Variants in XRRA1 observed in about 807,000 individuals in gnomAD.
The protein encoded by XRRA1 is X-ray radiation resistance-associated protein 1.
A neutral mutation model predicts 80.2 loss-of-function variants in XRRA1; 69 were observed. The ratio of observed to expected loss-of-function variants is 0.86; its 90% CI spans 0.71 to 1.05. The LOEUF (loss-of-function observed/expected upper bound fraction) is 1.05, where lower values mean the gene tolerates loss of function less well. Ranked by LOEUF, XRRA1 falls within the 50% of genes least tolerant of loss-of-function variation. The pLI, the probability that XRRA1 is intolerant of heterozygous loss-of-function variation, is 0.00. For missense variants in XRRA1, 967 were observed against 976.4 expected, an observed-to-expected ratio of 0.99 and a Z score of 0.13; for synonymous variants, 348 against 389.9, an observed-to-expected ratio of 0.89 and a Z score of 1.27.
chr11:74,885,155 T>C (rs1397542928), intron 10 of XRRA1, among the ~76,000 whole-genome samples: 3 of 152,220 alleles, frequency 2.0e-5, no homozygotes, highest in Non-Finnish European at 2.9e-5. Flanking sequence ...TTCCAGCTAC[T>C]TGGGAGGCTG....
At chr11:74,914,652 C>T (rs1048222435) in intron 8 of XRRA1, among the ~76,000 whole-genome samples, 10 of 151,454 alleles carry the variant, frequency 6.6e-5, no homozygotes, top group African/African-American at 1.2e-4. Flanking sequence ...AGCCTTTTCT[C>T]GGTACCCATA....
At position 74,862,882 on chromosome 11, in the gene XRRA1, A is replaced by G. The variant is rs1268045002; in HGVS notation, c.1044+99T>C. 8 of 1,113,066 alleles carry G rather than the reference A, an allele frequency of 7.2e-6. No homozygotes were observed. The East Asian group carries it at 2.1e-4, about 29-fold the overall frequency. 68.9% of individuals were successfully genotyped at this position (1,113,066 alleles called of 1,614,324 possible). On this transcript the variant is annotated intron_variant, in intron 11 of 18. Coordinates refer to ENST00000684022, the MANE Select transcript of XRRA1 (RefSeq NM_001378157.1). ...TGAATGGGCTTCCTCAGTGTGATCT[A>G]TAGAAATGACTCTCATGGCTCCATT...
chr11:74,849,490 C>A (rs746774546), intron 14 of XRRA1, among the ~76,000 whole-genome samples: 43 of 152,294 alleles, frequency 2.8e-4, no homozygotes, highest in Non-Finnish European at 5.7e-4. Flanking sequence ...TTGTCTGAAT[C>A]CATGCCACAA....
intron 11 of XRRA1, 134 bp from the exon 12 acceptor site, chr11:74,859,417 G>A (rs1468433042): frequency 1.0e-6 from 1 of 962,942 alleles, no homozygotes. Flanking sequence ...GAGACATGTA[G>A]GGTCATAAGG....
At chr11:74,880,887 TG>T (rs1371101763) in intron 10 of XRRA1, among the ~76,000 whole-genome samples, 2 of 151,276 alleles carry the variant, frequency 1.3e-5, no homozygotes, top group African/African-American at 4.9e-5. Flanking sequence ...TCCAACTATG[TG>T]GTCAATTTTG....
At chr11:74,878,730 C>G (rs1316863004) in intron 10 of XRRA1, among the ~76,000 whole-genome samples, 1 of 149,408 alleles carries the variant, frequency 6.7e-6, no homozygotes, top group Non-Finnish European at 1.5e-5. Context: ...AATCCTTTCC[C>G]CATTGCTTGT....
intron 12 of XRRA1, among the ~76,000 whole-genome samples, chr11:74,854,356 C>T (rs2040585255): frequency 6.6e-6 from 1 of 152,174 alleles, no homozygotes; most frequent in Non-Finnish European, 1.5e-5. Flanking sequence ...GGGACTTTAA[C>T]ATTTGATCTT....
intron 8 of XRRA1, among the ~76,000 whole-genome samples, chr11:74,908,324 C>G (rs1049873788): frequency 1.3e-5 from 2 of 152,158 alleles, no homozygotes; most frequent in African/African-American, 4.8e-5. Flanking sequence ...AAACTAGAAC[C>G]TGGGTCTGCC....
intron 2 of XRRA1, among the ~76,000 whole-genome samples, chr11:74,941,199 C>G (rs1040928363): frequency 4.6e-5 from 7 of 152,172 alleles, no homozygotes; most frequent in Non-Finnish European, 7.3e-5. Flanking sequence ...GCAAGTTACT[C>G]TACTCCTCTG....
intron 17 of XRRA1, 36 bp from the exon 18 acceptor site, chr11:74,843,995 G>A: frequency 3.2e-6 from 5 of 1,585,958 alleles, no homozygotes; most frequent in African/African-American, 1.3e-5. Context: ...GTTATCCCAG[G>A]TTTATGCACA....
At chr11:74,896,399 T>G (rs1363926095) in intron 10 of XRRA1, among the ~76,000 whole-genome samples, 1 of 152,148 alleles carries the variant, frequency 6.6e-6, no homozygotes, top group Non-Finnish European at 1.5e-5. Context: ...GAAACCCCCA[T>G]GAACTGGTGG....
chr11:74,917,795 G>A (rs1354513926), intron 8 of XRRA1, among the ~76,000 whole-genome samples: 1 of 152,018 alleles, frequency 6.6e-6, no homozygotes, highest in African/African-American at 2.4e-5. Context: ...AGTTCCTAAG[G>A]AGGTACTTTT....
chr11:74,850,453 C>G lies in XRRA1; in HGVS notation c.1380+635G>C, dbSNP rs1591551910. Among the ~76,000 whole-genome samples the G allele has an allele frequency of 2.0e-5, 3 of 152,176 alleles. No individual in the cohort carries two copies. The South Asian group carries it at 6.2e-4, about 32-fold the overall frequency. Reference sequence around the variant, plus strand: ...AAGAGCCTGGCTGGACAGAGGCGGGCTGCAGAGGGGGTGGCAAGGAAACAT... The same window carrying G: ...AAGAGCCTGGCTGGACAGAGGCGGGGTGCAGAGGGGGTGGCAAGGAAACAT... On this transcript the variant is annotated intron_variant, in intron 14 of 18. Transcript: ENST00000684022.
At chr11:74,903,638 G>C (rs2053998268) in intron 10 of XRRA1, among the ~76,000 whole-genome samples, 1 of 152,186 alleles carries the variant, frequency 6.6e-6, no homozygotes, top group Admixed American at 6.5e-5. Context: ...AGGAGGCAGA[G>C]CTTGCAGTGA....
At chr11:74,888,492 ACT>A (rs895772614) in intron 10 of XRRA1, among the ~76,000 whole-genome samples, 1 of 152,176 alleles carries the variant, frequency 6.6e-6, no homozygotes, top group African/African-American at 2.4e-5. Context: ...AAAACTGGAA[ACT>A]CTAAAAATCA....
rs573507204 is a variant in XRRA1, at chr11:74,868,838, G to GT, written c.1004-5818_1004-5817insA. 2.7e-3 allele frequency among the ~76,000 whole-genome samples: 415 copies of GT among 152,058 alleles called. 2 individuals are homozygous for GT. Among genetic ancestry groups the GT allele is most frequent in the African/African-American group, 9.6e-3 (397 of 41,500 alleles). On this transcript the variant is annotated intron_variant, in intron 10 of 18. Coordinates refer to ENST00000684022, the MANE Select transcript of XRRA1 (RefSeq NM_001378157.1). ...ATATGCATCCAACAGAGGAGACCCA[G>GT]ATTCAAAAAGCAAGTTGCTTTTAGA...
chr11:74,846,262 T>C (rs2135386855), intron 15 of XRRA1: 1 of 152,326 alleles, frequency 6.6e-6, no homozygotes, highest in African/African-American at 2.4e-5. Context: ...CGTATGTGTG[T>C]ACATATATAT....
chr11:74,850,438 C>T (rs1166526868), intron 14 of XRRA1, among the ~76,000 whole-genome samples: 3 of 152,162 alleles, frequency 2.0e-5, no homozygotes, highest in Non-Finnish European at 2.9e-5. Context: ...AAGAGCCTGG[C>T]TGGACAGAGG....
chr11:74,848,207 G>T lies in XRRA1; in HGVS notation c.1636C>A (p.Leu546Met), dbSNP rs778039163. The T allele has an allele frequency of 6.2e-7, 1 of 1,613,932 alleles. No homozygotes were observed. Among genetic ancestry groups the T allele is most frequent in the Non-Finnish European group, 8.5e-7 (1 of 1,179,882 alleles). The change falls in exon 15 of 19, where the codon CTG (leucine) becomes ATG (methionine). Residue 546 changes from leucine (L) to methionine (M), a missense_variant. Transcript: ENST00000684022. ...ACAGTTGTGTCACTCAGGTGGGACA[G>T]GGTCTCTTCACTATGCACAGTGGAG... Reference protein sequence around the residue: ...SNSTVHSEETLSHLSDTTVRL... With the variant: ...SNSTVHSEETMSHLSDTTVRL...
Sources: gnomAD v4.1 joint callset for allele counts (sites outside exome capture counted in the v4.1 genomes callset) on GRCh38, gnomAD v4.1.1 for gene constraint, MANE v1.5 for transcripts, NCBI Gene and HGNC (gene_info 2026-07-23, HGNC 2026-07-21) for gene names.